SERPINB2: variants seen among roughly 807,000 people sequenced by gnomAD.
SERPINB2 encodes the protein plasminogen activator inhibitor 2.
Under a neutral mutation model 39.4 loss-of-function variants are expected in SERPINB2, and 28 were observed. That is an observed-to-expected ratio of 0.71 (90% confidence interval 0.53 to 0.97). SERPINB2 has a LOEUF of 0.97. Among genes scored for constraint, SERPINB2 ranks in the 50% least tolerant of loss-of-function variants. SERPINB2 has a pLI of 0.00. For missense variants in SERPINB2, 557 were observed against 505.3 expected (o/e 1.10, Z -0.98); for synonymous variants, 209 against 175.1 (o/e 1.19, Z -1.53).
intron 2 of SERPINB2, among the ~76,000 whole-genome samples, chr18:63,892,969 A>G (rs922106701): frequency 1.3e-5 from 2 of 151,798 alleles, no homozygotes; most frequent in Non-Finnish European, 2.9e-5. Flanking sequence ...GTCTCGCCCT[A>G]TCACCCAGGC....
intron 5 of SERPINB2, among the ~76,000 whole-genome samples, chr18:63,900,997 T>C (rs1483688469): frequency 6.6e-6 from 1 of 152,174 alleles, no homozygotes; most frequent in Admixed American, 6.6e-5. Context: ...TATATTTTGA[T>C]GCTTGGAATA....
At chr18:63,901,376 A>G (rs1245300488) in intron 5 of SERPINB2, among the ~76,000 whole-genome samples, 2 of 152,168 alleles carry the variant, frequency 1.3e-5, no homozygotes, top group East Asian at 1.9e-4. Context: ...AGTACATGAT[A>G]TATTTTGGAA....
At chr18:63,900,667 T>C (rs187557516) in intron 5 of SERPINB2, among the ~76,000 whole-genome samples, 56 of 152,260 alleles carry the variant, frequency 3.7e-4, no homozygotes, top group Middle Eastern at 3.4e-3. Flanking sequence ...AAAGAGGTGG[T>C]AACTCCAAGG....
rs1337292278 is a variant in SERPINB2, at chr18:63,902,956, T to C, written c.899T>C (p.Met300Thr). 10 of 1,613,318 alleles carry C rather than the reference T, an allele frequency of 6.2e-6. No individual in the cohort carries two copies. The highest frequency in any genetic ancestry group is 6.8e-6 in the Non-Finnish European group (8 of 1,179,642). ...KLNKWTSKDK[M>T]AEDEVEVYIP... ...AACAAGTGGACCAGCAAAGACAAAA[T>C]GGCTGAAGATGAAGTTGAGGTATAC... is the stretch of plus-strand genomic sequence containing the variant. The change falls in exon 8 of 8, where the codon ATG becomes ACG. Residue 300 changes from methionine to threonine, a missense_variant. Coordinates refer to ENST00000299502, the MANE Select transcript of SERPINB2 (RefSeq NM_002575.3).
chr18:63,893,635 G>A lies in SERPINB2; in HGVS notation c.169-1629G>A, dbSNP rs556670221. ...TTGTTCCTTACTACATGTGTGTGAGGACATTGAAACCATTTGCATCTCAGT... is the reference window on the plus strand; with the variant it reads ...TTGTTCCTTACTACATGTGTGTGAGAACATTGAAACCATTTGCATCTCAGT... On this transcript the variant is annotated intron_variant, in intron 2 of 7. Coordinates refer to ENST00000299502, the MANE Select transcript of SERPINB2 (RefSeq NM_002575.3). Among the ~76,000 whole-genome samples the A allele has an allele frequency of 2.6e-5, 4 of 152,302 alleles. No homozygotes were observed. In the East Asian group the frequency reaches 5.8e-4, roughly 22 times the overall value.
intron 1 of SERPINB2, among the ~76,000 whole-genome samples, chr18:63,891,152 T>C (rs2049923292): frequency 1.3e-5 from 2 of 152,226 alleles, no homozygotes; most frequent in Admixed American, 1.3e-4. Flanking sequence ...CTATGTAATT[T>C]ACAGCGTCTG....
intron 2 of SERPINB2, 99 bp downstream of exon 2, chr18:63,891,711 G>A (rs2144695547): frequency 2.5e-6 from 3 of 1,193,430 alleles, no homozygotes; most frequent in Non-Finnish European, 3.5e-6. Context: ...AACTCAGGAG[G>A]TCAGCAATCA....
rs150189388 is a variant in SERPINB2, at chr18:63,901,882, G to A, written c.678G>A (p.Ser226=). The A allele has an allele frequency of 5.7e-6, 9 of 1,592,448 alleles. No homozygotes were observed. Among genetic ancestry groups the A allele is most frequent in the East Asian group, 2.3e-5 (1 of 43,838 alleles). ...GGCTTTATCCTTTCCGTGTAAACTC[G>A]GTATGAGACAACAAAATACATCTTC... ...LNGLYPFRVN[S]AQRTPVQMMY... The change falls in exon 6 of 8, where the codon TCG becomes TCA. Residue 226 remains serine (S), a splice_region_variant and synonymous_variant. Transcript: ENST00000299502.
At chr18:63,898,117 C>T (rs2049972172) in intron 5 of SERPINB2, among the ~76,000 whole-genome samples, 1 of 152,152 alleles carries the variant, frequency 6.6e-6, no homozygotes, top group Admixed American at 6.5e-5. Flanking sequence ...CAGAAGCTTT[C>T]AAAATAGGAA....
At chr18:63,892,457 A>T (rs1032070676) in intron 2 of SERPINB2, among the ~76,000 whole-genome samples, 2 of 152,246 alleles carry the variant, frequency 1.3e-5, no homozygotes, top group African/African-American at 4.8e-5. Flanking sequence ...TGATCATGTT[A>T]CTTCCAAGGT....
At chr18:63,897,621 C>T in intron 4 of SERPINB2, 106 bp from the exon 5 acceptor site, 1 of 868,264 alleles carries the variant, frequency 1.2e-6, no homozygotes, top group Non-Finnish European at 2.0e-6. Context: ...CACTCCCACC[C>T]TACCCCAGGT....
chr18:63,903,215 A>G lies in SERPINB2; in HGVS notation c.1158A>G (p.Pro386=). 6.2e-7 allele frequency: 1 copy of G among 1,612,302 alleles called. No homozygotes were observed. Among genetic ancestry groups the G allele is most frequent in the South Asian group, 1.1e-5 (1 of 90,762 alleles). The change falls in exon 8 of 8, where the codon CCA becomes CCG. Residue 386 remains proline, a synonymous_variant. Transcript: ENST00000299502. ...CAGGGAGAACTGGACATGGAGGCCCACAGTTTGTGGCAGATCATCCTTTTC... is the reference window on the plus strand; with the variant it reads ...CAGGGAGAACTGGACATGGAGGCCCGCAGTTTGTGGCAGATCATCCTTTTC... ...VMTGRTGHGG[P]QFVADHPFLF... is the part of the protein sequence containing the mutation.
chr18:63,893,896 G>C (rs766337827), intron 2 of SERPINB2, among the ~76,000 whole-genome samples: 18 of 152,194 alleles, frequency 1.2e-4, no homozygotes, highest in Non-Finnish European at 1.9e-4. Flanking sequence ...ATCAGGGCAA[G>C]AAGAGGCCAC....
intron 2 of SERPINB2, among the ~76,000 whole-genome samples, chr18:63,893,208 G>A (rs180706263): frequency 7.9e-5 from 12 of 152,304 alleles, no homozygotes; most frequent in African/African-American, 2.4e-4. Flanking sequence ...GATTATAGGC[G>A]TGAGCCAGTG....
At chr18:63,892,599 CCA>C (rs1269325909) in intron 2 of SERPINB2, 3 of 152,230 alleles carry the variant, frequency 2.0e-5, no homozygotes, top group African/African-American at 7.2e-5. Flanking sequence ...CGGCTGGTTT[CCA>C]GTTTCCCACG....
At chr18:63,898,555 C>T (rs1480479945) in intron 5 of SERPINB2, among the ~76,000 whole-genome samples, 5 of 152,044 alleles carry the variant, frequency 3.3e-5, no homozygotes, top group Non-Finnish European at 5.9e-5. Context: ...CACCACACAC[C>T]ATATTCCAGA....
chr18:63,902,079 A>G (rs898306723), intron 6 of SERPINB2, among the ~76,000 whole-genome samples, 197 bp downstream of exon 6: 9 of 152,192 alleles, frequency 5.9e-5, no homozygotes, highest in Admixed American at 2.0e-4. Context: ...CCAGACTCCA[A>G]CGTTGGCTCT....
At chr18:63,889,533 G>A (rs1175681340) in intron 1 of SERPINB2, among the ~76,000 whole-genome samples, 1 of 151,980 alleles carries the variant, frequency 6.6e-6, no homozygotes, top group Non-Finnish European at 1.5e-5. Flanking sequence ...TTATGTTTGT[G>A]GCTCTGATCT....
chr18:63,897,127 T>G lies in SERPINB2; in HGVS notation c.325T>G (p.Ser109Ala). The G allele has an allele frequency of 6.2e-7, 1 of 1,613,374 alleles. No homozygotes were observed. The highest frequency in any genetic ancestry group is 2.2e-5 in the East Asian group (1 of 44,850). The change falls in exon 4 of 8, where the codon TCT becomes GCT. Residue 109 changes from serine to alanine, a missense_variant. By Grantham distance (99) the Ser-to-Ala change is moderately conservative. Coordinates refer to ENST00000299502, the MANE Select transcript of SERPINB2 (RefSeq NM_002575.3). Reference protein sequence around the residue: ...AADKIHSSFRSLSSAINASTG... With the variant: ...AADKIHSSFRALSSAINASTG... ...AGATAAAATCCATTCATCCTTCCGCTCTCTCAGCTCTGCAATCAATGCATC... is the reference window on the plus strand; with the variant it reads ...AGATAAAATCCATTCATCCTTCCGCGCTCTCAGCTCTGCAATCAATGCATC...
Sources: allele counts gnomAD v4.1 joint callset (sites outside exome capture counted in the v4.1 genomes callset), GRCh38; gene constraint gnomAD v4.1.1; transcripts MANE v1.5; gene names NCBI Gene and HGNC (gene_info 2026-07-23, HGNC 2026-07-21).